Variants in PLA2G6 observed in about 807,000 individuals in gnomAD.
The protein encoded by PLA2G6 is 85/88 kDa calcium-independent phospholipase A2.
In PLA2G6, 62 loss-of-function variants were observed where a neutral mutation model predicts 83.8. The observed-to-expected ratio is 0.74, with a 90% CI of 0.60 to 0.91. The LOEUF is 0.91. PLA2G6 is among the 40% of genes least tolerant of loss of function. The pLI is 0.00. For synonymous variants in PLA2G6, 417 were observed against 449.8 expected, an observed-to-expected ratio of 0.93 and a Z score of 0.92; for missense variants, 944 against 1,102.0, an observed-to-expected ratio of 0.86 and a Z score of 2.03.
At chr22:38,115,256 G>A (rs865802160) in intron 14 of PLA2G6, among the ~76,000 whole-genome samples, 5 of 152,186 alleles carry the variant, frequency 3.3e-5, no homozygotes, top group African/African-American at 7.2e-5. Flanking sequence ...AGGCTGGCTC[G>A]AGTGGCACGT....
intron 1 of PLA2G6, among the ~76,000 whole-genome samples, chr22:38,178,226 T>C (rs2090711474): frequency 6.6e-6 from 1 of 152,040 alleles, no homozygotes; most frequent in African/African-American, 2.4e-5. Context: ...AAATATTTAC[T>C]GAGATGGATT....
chr22:38,112,494 G>A lies in PLA2G6; in HGVS notation c.2276+10C>T, dbSNP rs2086932591. ...CACGGGGCCAAGGGCTGGGGCGGCTGAGCCCTCACCTGAAGTACTGGATGC... is the reference window on the plus strand; with the variant it reads ...CACGGGGCCAAGGGCTGGGGCGGCTAAGCCCTCACCTGAAGTACTGGATGC... On this transcript the variant is annotated intron_variant, in intron 16 of 16. Transcript: ENST00000332509. The A allele has an allele frequency of 1.3e-6, 2 of 1,551,374 alleles. No individual in the cohort carries two copies. The highest frequency in any genetic ancestry group is 1.7e-6 in the Non-Finnish European group (2 of 1,148,038).
Position 38,128,508 on chromosome 22 carries a change from C to T in PLA2G6, c.1187-78G>A. ...CATGCAAAGGAGAGGCCCCTCCTTT[C>T]CACACTCCGTCCCCTGTCCCAGCTC... On this transcript the variant is annotated intron_variant, in intron 8 of 16. Coordinates refer to ENST00000332509, the MANE Select transcript of PLA2G6 (RefSeq NM_003560.4). This position sits in a 1 kb window ranked among gnomAD's most constrained non-coding sequence, Gnocchi z 4.4. The T allele has an allele frequency of 6.8e-7, 1 of 1,462,720 alleles. No homozygotes were observed. 90.6% of individuals were successfully genotyped at this position (1,462,720 alleles called of 1,614,324 possible).
rs1167780881 is a variant in PLA2G6 at position 38,123,321 on chromosome 22, C to G, written c.1428-63G>C. The G allele has an allele frequency of 3.4e-6, 5 of 1,488,932 alleles. No homozygotes were observed. The East Asian group carries it at 1.2e-4, about 37-fold the overall frequency. The allele number at this position is 1,488,932 out of a possible 1,614,324, so 92.2% of individuals were successfully genotyped here. A position where few individuals can be genotyped will look rare whatever the true frequency, so the allele number is the denominator to read the frequency against. Reference sequence around the variant, plus strand: ...GCCACAGCCCAGTACTTTACATCCACCCTCATAGCCCTTGTCCCCTGCAGC... The same window carrying G: ...GCCACAGCCCAGTACTTTACATCCAGCCTCATAGCCCTTGTCCCCTGCAGC... On this transcript the variant is annotated intron_variant, in intron 10 of 16. Transcript: ENST00000332509. The surrounding 1 kb of genome is among the most constrained non-coding windows in gnomAD (Gnocchi z 4.1).
In PLA2G6 at chr22:38,128,222, G is replaced by T. The variant is rs1569258267; in HGVS notation, c.1348+47C>A. The T allele has an allele frequency of 2.5e-6, 4 of 1,592,848 alleles. No individual in the cohort carries two copies. Among genetic ancestry groups the T allele is most frequent in the Non-Finnish European group, 3.4e-6 (4 of 1,162,504 alleles). Reference sequence around the variant, plus strand: ...TTGGTGGGGCCTGCTGTGATCCAGGGGCCTGGGAACCAGCTGGAGAAGAGG... The same window carrying T: ...TTGGTGGGGCCTGCTGTGATCCAGGTGCCTGGGAACCAGCTGGAGAAGAGG... On this transcript the variant is annotated intron_variant, in intron 9 of 16. Coordinates refer to ENST00000332509, the MANE Select transcript of PLA2G6 (RefSeq NM_003560.4). This position sits in a 1 kb window ranked among gnomAD's most constrained non-coding sequence, Gnocchi z 4.4.
In PLA2G6 at chr22:38,157,803, GGGCAGGTGGA is replaced by G. The variant is rs1263944948; in HGVS notation, c.209+11405_209+11414del. Among the ~76,000 whole-genome samples the G allele has an allele frequency of 3.3e-5, 5 of 152,044 alleles. No homozygotes were observed. The East Asian group carries it at 7.7e-4, about 23-fold the overall frequency. The stretch of plus-strand genomic sequence containing the variant: ...GTAATCCCGGCACTTTGGGAGGCAG[GGGCAGGTGGA>G]TCACCTGAGGTCAGGTGTCGAGACC... On this transcript the variant is annotated intron_variant, in intron 2 of 16. Transcript: ENST00000332509.
intron 9 of PLA2G6, among the ~76,000 whole-genome samples, chr22:38,127,833 G>T (rs1426488861): frequency 6.6e-6 from 1 of 152,126 alleles, no homozygotes; most frequent in African/African-American, 2.4e-5. Flanking sequence ...GGCCAGGAAG[G>T]GGGCACACAG....
intron 2 of PLA2G6, among the ~76,000 whole-genome samples, chr22:38,167,565 G>A (rs132987): frequency 0.12 from 17,603 of 152,160 alleles, 1,234 homozygotes; most frequent in African/African-American, 0.18. Context: ...AGCCTGCCCC[G>A]TCCAGGGTCA....
rs534344461 is a variant in PLA2G6, at chr22:38,111,699, C to A, written c.*462G>T. 4 of 234,940 alleles carry A rather than the reference C, an allele frequency of 1.7e-5. No individual in the cohort carries two copies. Among genetic ancestry groups the A allele is most frequent in the African/African-American group, 9.1e-5 (4 of 44,022 alleles). 14.6% of individuals were successfully genotyped at this position (234,940 alleles called of 1,614,324 possible). ...TCCCAGCTGATGGGGTGGGGGACACCCATTTCTTTAGTCCCAGCCCCCAGG... is the reference window on the plus strand; with the variant it reads ...TCCCAGCTGATGGGGTGGGGGACACACATTTCTTTAGTCCCAGCCCCCAGG... On this transcript the variant is annotated 3_prime_UTR_variant, in exon 17 of 17. Transcript: ENST00000332509.
chr22:38,132,964 G>A lies in PLA2G6; in HGVS notation c.944C>T (p.Ser315Phe). The change falls in exon 7 of 17, where the codon TCC becomes TTC. Residue 315 changes from serine to phenylalanine, a missense_variant. By Grantham distance (155) the Ser-to-Phe change is radical (BLOSUM62 -2). Coordinates refer to ENST00000332509, the MANE Select transcript of PLA2G6 (RefSeq NM_003560.4). The surrounding 1 kb of genome is among the most constrained non-coding windows in gnomAD (Gnocchi z 5.0). Reference sequence around the variant, plus strand: ...CACGTGCAGGGCCGTGTTCCCCGCGGAGCTGGTGCTGTTCACGTTGCAGCC... The same window carrying A: ...CACGTGCAGGGCCGTGTTCCCCGCGAAGCTGGTGCTGTTCACGTTGCAGCC... ...KRGCNVNSTS[S>F]AGNTALHVAV... The A allele has an allele frequency of 6.4e-7, 1 of 1,565,208 alleles. No homozygotes were observed. Among genetic ancestry groups the A allele is most frequent in the Non-Finnish European group, 8.7e-7 (1 of 1,155,322 alleles).
At chr22:38,148,668 G>A in intron 2 of PLA2G6, 1 of 664,498 alleles carries the variant, frequency 1.5e-6, no homozygotes. Context: ...CTTTGGGTTA[G>A]GGTCCTAAAG....
At chr22:38,145,032 CTTTT>C (rs968832533) in intron 3 of PLA2G6, 313 of 192,218 alleles carry the variant, frequency 1.6e-3, no homozygotes, top group South Asian at 3.8e-3. Context: ...AACGCAGCAC[CTTTT>C]TTTTTTTTTT....
At chr22:38,164,444 G>A (rs1362401693) in intron 2 of PLA2G6, among the ~76,000 whole-genome samples, 1 of 152,232 alleles carries the variant, frequency 6.6e-6, no homozygotes, top group East Asian at 1.9e-4. Flanking sequence ...GGACTGTCGT[G>A]AGGATAACAT....
intron 1 of PLA2G6, among the ~76,000 whole-genome samples, chr22:38,170,860 GA>G (rs905235697): frequency 6.6e-6 from 1 of 151,942 alleles, no homozygotes; most frequent in Non-Finnish European, 1.5e-5. Context: ...ACATGAAAAG[GA>G]AAAAAGATCA....
At chr22:38,172,281 G>T (rs1021287177) in intron 1 of PLA2G6, among the ~76,000 whole-genome samples, 6 of 152,202 alleles carry the variant, frequency 3.9e-5, no homozygotes, top group African/African-American at 1.4e-4. Flanking sequence ...CAGCTAGTGG[G>T]TGGAGCAGTG....
intron 11 of PLA2G6, chr22:38,121,159 C>T (rs894457220): frequency 1.1e-5 from 5 of 446,502 alleles, no homozygotes; most frequent in African/African-American, 1.0e-4. Context: ...AGGTGGATCA[C>T]TTGAGGTCAG....
At chr22:38,114,709 G>A (rs990671376) in intron 14 of PLA2G6, among the ~76,000 whole-genome samples, 5 of 152,224 alleles carry the variant, frequency 3.3e-5, no homozygotes, top group Middle Eastern at 3.4e-3. Context: ...CCTCTGCTGC[G>A]CTGCCCAGGA....
intron 2 of PLA2G6, among the ~76,000 whole-genome samples, chr22:38,165,669 C>A (rs766392278): frequency 6.6e-6 from 1 of 151,992 alleles, no homozygotes; most frequent in African/African-American, 2.4e-5. Flanking sequence ...GTCAGGAGAT[C>A]GAGACCATCC....
In PLA2G6 at chr22:38,143,288, G is replaced by A. The variant is rs747316400; in HGVS notation, c.426C>T (p.Ser142=). 1.9e-6 allele frequency: 3 copies of A among 1,610,890 alleles called. No homozygotes were observed. Among genetic ancestry groups the A allele is most frequent in the East Asian group, 2.2e-5 (1 of 44,880 alleles). The change falls in exon 4 of 17, where the codon AGC becomes AGT. Residue 142 remains serine, a splice_region_variant and synonymous_variant. Transcript: ENST00000332509. ...RECFHHSRII[S]CANCAENEEG... ...CCTCGTTCTCCGCGCAATTGGCACA[G>A]CTGCAGGAGAGGGCCAGGGTGAGCA...
Sources: gnomAD v4.1 joint callset for allele counts (sites outside exome capture counted in the v4.1 genomes callset) on GRCh38, gnomAD v4.1.1 for gene constraint, Gnocchi (gnomAD v3.1) non-coding constraint, MANE v1.5 for transcripts, NCBI Gene and HGNC (gene_info 2026-07-23, HGNC 2026-07-21) for gene names.